Variants in PRKAG1 observed in about 807,000 individuals in gnomAD.
PRKAG1 encodes the protein 5'-AMP-activated protein kinase subunit gamma-1.
A neutral mutation model predicts 48.2 loss-of-function variants in PRKAG1; 27 were observed. The ratio of observed to expected loss-of-function variants is 0.56; its 90% CI spans 0.41 to 0.77. PRKAG1 has a LOEUF of 0.77. PRKAG1 is among the 30% of genes least tolerant of loss of function. The probability of loss-of-function intolerance (pLI) is 0.00; values close to 1 mark genes in which losing one functional copy is unlikely to be tolerated. For synonymous variants in PRKAG1, 130 were observed against 147.7 expected (o/e 0.88, Z 0.87); for missense variants, 287 against 398.3 (o/e 0.72, Z 2.38).
chr12:49,017,496 GCCA>G (rs1942040747), intron 1 of PRKAG1: 1 of 258,918 alleles, frequency 3.9e-6, no homozygotes, highest in Non-Finnish European at 7.8e-6. Context: ...ACAGGCGTGA[GCCA>G]CCACACCTGG....
At position 49,002,541 on chromosome 12, in the gene PRKAG1, A is replaced by C; in HGVS notation, c.*358T>G. The C allele has an allele frequency of 2.6e-6, 1 of 384,126 alleles. No homozygotes were observed. Among genetic ancestry groups the C allele is most frequent in the South Asian group, 2.2e-5 (1 of 45,336 alleles). The allele number at this position is 384,126 out of a possible 1,614,324, so 23.8% of individuals were successfully genotyped here. ...TTGTTGTGCTATTATCTTAGGGTTG[A>C]ATCAGGGCCAAGATGGAGGCAGAGG... On this transcript the variant is annotated 3_prime_UTR_variant, in exon 12 of 12. Coordinates refer to ENST00000548065, the MANE Select transcript of PRKAG1 (RefSeq NM_002733.5).
chr12:49,014,183 C>A (rs11168824), intron 1 of PRKAG1, among the ~76,000 whole-genome samples: 3,909 of 152,252 alleles, frequency 0.026, 176 homozygotes, highest in African/African-American at 0.088. Flanking sequence ...CACGCCCGGC[C>A]ATTTTTATAA....
intron 1 of PRKAG1, chr12:49,016,669 T>C (rs1941988176): frequency 6.5e-6 from 1 of 154,510 alleles, no homozygotes; most frequent in Non-Finnish European, 1.4e-5. Flanking sequence ...AATTTATCTT[T>C]CATGCTTTCA....
Position 49,003,857 on chromosome 12 carries a change from A to C in PRKAG1, c.603T>G (p.Tyr201Ter). The C allele has an allele frequency of 6.2e-7, 1 of 1,614,116 alleles. No individual in the cohort carries two copies. The highest frequency in any genetic ancestry group is 8.5e-7 in the Non-Finnish European group (1 of 1,179,988). ...KSLEELQIGT[Y>*]ANIAMVRTTT... ...TAGTGCGAACCATAGCAATATTGGC[A>C]TAGGTGCCAATCTGTAGCTCTTCCA... The change falls in exon 9 of 12, where the codon TAT becomes TAG. Residue 201 changes from tyrosine (Y) to a stop codon, truncating the protein, a stop_gained. Transcript: ENST00000548065. LOFTEE classifies it high-confidence loss of function.
At chr12:49,008,655 T>C (rs535117634) in intron 2 of PRKAG1, 20 of 152,324 alleles carry the variant, frequency 1.3e-4, no homozygotes, top group African/African-American at 4.8e-4. Flanking sequence ...CCTGTAGATA[T>C]CTTTATTCTA....
Position 49,018,712 on chromosome 12 carries a change from C to G in PRKAG1, c.9+20G>C, listed in dbSNP as rs201607367. Reference sequence around the variant, plus strand: ...TCTTAGGCTCCACAGCGCCCCCGACCGCCCTCCTGCACTCCTCACCGTCTC... The same window carrying G: ...TCTTAGGCTCCACAGCGCCCCCGACGGCCCTCCTGCACTCCTCACCGTCTC... On this transcript the variant is annotated intron_variant, in intron 1 of 11. Coordinates refer to ENST00000548065, the MANE Select transcript of PRKAG1 (RefSeq NM_002733.5). 1.2e-6 allele frequency: 2 copies of G among 1,613,378 alleles called. No homozygotes were observed. The highest frequency in any genetic ancestry group is 1.7e-6 in the Non-Finnish European group (2 of 1,179,960).
At position 49,003,227 on chromosome 12, in the gene PRKAG1, G is replaced by A. The variant is rs1461899123; in HGVS notation, c.805C>T (p.Arg269Ter). The A allele has an allele frequency of 2.5e-6, 4 of 1,614,114 alleles. No homozygotes were observed. The highest frequency in any genetic ancestry group is 2.2e-5 in the South Asian group (2 of 91,078). ...DVSVTKALQH[R>*]SHYFEGVLKC... is the part of the protein sequence containing the mutation. ...AGAACACCCTCAAAGTAATGTGATCGATGTTGCAAGGCTTTAGTCACAGAT... is the reference window on the plus strand; with the variant it reads ...AGAACACCCTCAAAGTAATGTGATCAATGTTGCAAGGCTTTAGTCACAGAT... The change falls in exon 11 of 12, where the codon CGA becomes TGA. Residue 269 changes from arginine (R) to a stop codon, truncating the protein, a stop_gained. Transcript: ENST00000548065. LOFTEE classifies it high-confidence loss of function.
At chr12:49,017,647 T>C (rs1274471745) in intron 1 of PRKAG1, 1 of 154,978 alleles carries the variant, frequency 6.5e-6, no homozygotes, top group Non-Finnish European at 1.4e-5. Context: ...GAATATGACA[T>C]GTCATTTTAA....
chr12:49,004,783 G>C, intron 7 of PRKAG1, 150 bp from the exon 8 acceptor site: 11 of 1,355,474 alleles, frequency 8.1e-6, no homozygotes, highest in Non-Finnish European at 1.1e-5. Context: ...GAGAGAGAGA[G>C]AGAGAGTGAG....
chr12:49,005,295 A>C lies in PRKAG1; in HGVS notation c.309+11T>G. On this transcript the variant is annotated intron_variant, in intron 5 of 11. Transcript: ENST00000548065. The surrounding 1 kb of genome is among the most constrained non-coding windows in gnomAD (Gnocchi z 4.1). The stretch of plus-strand genomic sequence containing the variant: ...GAAAGTGATTTTGGTCATTGGGTTA[A>C]GGTTCCTTACCAAGGCTGATTTATA... 1 of 1,614,062 alleles carries C rather than the reference A, an allele frequency of 6.2e-7. No homozygotes were observed. The highest frequency in any genetic ancestry group is 1.1e-5 in the South Asian group (1 of 90,990).
chr12:49,006,029 A>G (rs1941522989), intron 2 of PRKAG1, 177 bp from the exon 3 acceptor site: 1 of 550,948 alleles, frequency 1.8e-6, no homozygotes, highest in African/African-American at 1.9e-5. Flanking sequence ...TAAACCTCTT[A>G]GAAACCATTT....
rs757316718 is a variant in PRKAG1, at chr12:49,003,040, T to C, written c.889-34A>G. ...GAGCAACAAGGGAGAAAGGGAATGT[T>C]TAGTGCTGGCCTCAGGGGAAGCCCC... is the stretch of plus-strand genomic sequence containing the variant. On this transcript the variant is annotated intron_variant, in intron 11 of 11. Transcript: ENST00000548065. The C allele has an allele frequency of 1.3e-5, 21 of 1,613,050 alleles. No homozygotes were observed. The East Asian group carries it at 4.0e-4, about 31-fold the overall frequency.
In PRKAG1 at chr12:49,002,561, C is replaced by T. The variant is rs201260962; in HGVS notation, c.*338G>A. The T allele has an allele frequency of 1.5e-4, 63 of 408,454 alleles. No individual in the cohort carries two copies. The highest frequency in any genetic ancestry group is 2.3e-4 in the Non-Finnish European group (49 of 216,080). 25.3% of individuals were successfully genotyped at this position (408,454 alleles called of 1,614,324 possible). A position where few individuals can be genotyped will look rare whatever the true frequency, so the allele number is the denominator to read the frequency against. On this transcript the variant is annotated 3_prime_UTR_variant, in exon 12 of 12. Transcript: ENST00000548065. ...GGTTGAATCAGGGCCAAGATGGAGG[C>T]AGAGGCAAGTGAGGTCTGGGGATCT...
chr12:49,009,892 C>A (rs1272099393), intron 2 of PRKAG1, among the ~76,000 whole-genome samples: 1 of 152,146 alleles, frequency 6.6e-6, no homozygotes, highest in Non-Finnish European at 1.5e-5. Context: ...GGATTACAGG[C>A]GTGAGCCACC....
intron 8 of PRKAG1, 47 bp from the exon 9 acceptor site, chr12:49,003,969 C>T: frequency 6.5e-7 from 1 of 1,549,556 alleles, no homozygotes; most frequent in East Asian, 2.3e-5. Flanking sequence ...CCAAAGCCAC[C>T]CTTGGATACC....
At chr12:49,004,813 CTGTGTGTGTGTGTGTGTG>C (rs3832821) in intron 7 of PRKAG1, 133 bp downstream of exon 7, 219 of 714,442 alleles carry the variant, frequency 3.1e-4, no homozygotes, top group African/African-American at 1.8e-3. Flanking sequence ...GAGAGAGAGA[CTGTGTGTGTGTGTGTGTG>C]TGTGTGTGTG....
rs1941394724 is a variant in PRKAG1, at chr12:49,003,655, T to C, written c.704-60A>G. On this transcript the variant is annotated intron_variant, in intron 9 of 11. Transcript: ENST00000548065. The stretch of plus-strand genomic sequence containing the variant: ...TGGGATCTAAAGCTCCCCCTACTCA[T>C]AGAATCACCCTCCTGGCTAAGCTGA... The C allele has an allele frequency of 1.9e-6, 3 of 1,609,716 alleles. No homozygotes were observed. The South Asian group carries it at 3.3e-5, about 18-fold the overall frequency.
chr12:49,014,153 G>T (rs1941875034), intron 1 of PRKAG1, among the ~76,000 whole-genome samples: 1 of 152,060 alleles, frequency 6.6e-6, no homozygotes, highest in African/African-American at 2.4e-5. Context: ...CAAAGTGCTG[G>T]GATTACAGGC....
chr12:49,002,383 A>C lies in PRKAG1; in HGVS notation c.*516T>G, dbSNP rs201609201. ...AACCCCCATCTCCCTTCATATGCACAAACACAGGAACCCAAAGCCCCTCCT... is the reference window on the plus strand; with the variant it reads ...AACCCCCATCTCCCTTCATATGCACCAACACAGGAACCCAAAGCCCCTCCT... On this transcript the variant is annotated 3_prime_UTR_variant, in exon 12 of 12. Transcript: ENST00000548065. The C allele has an allele frequency of 7.5e-4, 157 of 208,894 alleles. 1 individual carries two copies. The highest frequency in any genetic ancestry group is 2.2e-4 in the Non-Finnish European group (22 of 101,680). 12.9% of individuals were successfully genotyped at this position (208,894 alleles called of 1,614,324 possible).
Sources: allele counts gnomAD v4.1 joint callset (sites outside exome capture counted in the v4.1 genomes callset), GRCh38; gene constraint gnomAD v4.1.1; non-coding constraint Gnocchi (gnomAD v3.1); transcripts MANE v1.5; gene names NCBI Gene and HGNC (gene_info 2026-07-23, HGNC 2026-07-21).